Variants in B3GALT1 observed in about 807,000 individuals in gnomAD.
B3GALT1 encodes UDP-Gal:betaGlcNAc beta 1,3-galactosyltransferase, polypeptide 1.
In B3GALT1, 10 loss-of-function variants were observed where a neutral mutation model predicts 23.2. That is an observed-to-expected ratio of 0.43 (90% CI 0.27 to 0.73). The LOEUF (loss-of-function observed/expected upper bound fraction) is 0.73, where lower values mean the gene tolerates loss of function less well. Among genes scored for constraint, B3GALT1 ranks in the 30% least tolerant of loss-of-function variants. The pLI is 0.21. For synonymous variants in B3GALT1, 156 were observed against 141.5 expected, an observed-to-expected ratio of 1.10 and a Z score of -0.73; for missense variants, 299 against 405.4, an observed-to-expected ratio of 0.74 and a Z score of 2.25.
intron 1 of B3GALT1, among the ~76,000 whole-genome samples, chr2:167,466,185 C>T (rs79724763): frequency 0.11 from 17,238 of 152,082 alleles, 1,148 homozygotes; most frequent in African/African-American, 0.19. Context: ...TCCTGGGAGC[C>T]ATTTTTGTTT....
chr2:167,492,587 C>T (rs998263167), intron 2 of B3GALT1, among the ~76,000 whole-genome samples: 3 of 152,110 alleles, frequency 2.0e-5, no homozygotes, highest in Non-Finnish European at 1.5e-5. Context: ...ATTTTGCATT[C>T]CCACCAGCAC....
chr2:167,813,718 C>T (rs1023207706), intron 3 of B3GALT1, among the ~76,000 whole-genome samples: 6 of 152,174 alleles, frequency 3.9e-5, no homozygotes, highest in Non-Finnish European at 7.4e-5. Context: ...AACTCTGATA[C>T]ATGTGCAGCT....
At chr2:167,806,531 C>A (rs190339647) in intron 3 of B3GALT1, among the ~76,000 whole-genome samples, 2 of 152,092 alleles carry the variant, frequency 1.3e-5, no homozygotes, top group Non-Finnish European at 2.9e-5. Flanking sequence ...GCATGAAGGG[C>A]TGTTGAATTT....
chr2:167,485,975 C>T (rs559146902), intron 1 of B3GALT1, among the ~76,000 whole-genome samples: 1 of 152,224 alleles, frequency 6.6e-6, no homozygotes, highest in Admixed American at 6.5e-5. Context: ...AAGCCATGGC[C>T]ATGAAAAACC....
intron 1 of B3GALT1, among the ~76,000 whole-genome samples, chr2:167,296,754 G>C (rs528907291): frequency 2.6e-4 from 39 of 152,108 alleles, no homozygotes; most frequent in Non-Finnish European, 5.0e-4. Flanking sequence ...ATACACTATT[G>C]TATGAATTCA....
chr2:167,525,978 C>T (rs1683212790), intron 2 of B3GALT1, among the ~76,000 whole-genome samples: 3 of 151,980 alleles, frequency 2.0e-5, no homozygotes, highest in African/African-American at 7.2e-5. Context: ...ACATTTTGTT[C>T]CTTGAGCACT....
intron 2 of B3GALT1, among the ~76,000 whole-genome samples, chr2:167,604,482 A>G (rs1366439050): frequency 1.3e-5 from 2 of 152,244 alleles, no homozygotes; most frequent in Non-Finnish European, 2.9e-5. Context: ...GTAGATTACT[A>G]TAATTTTCAT....
chr2:167,405,040 T>G (rs766278220), intron 1 of B3GALT1, among the ~76,000 whole-genome samples: 3 of 152,190 alleles, frequency 2.0e-5, no homozygotes, highest in Non-Finnish European at 2.9e-5. Flanking sequence ...GATTGTACAT[T>G]TGTTTTCGCT....
intron 2 of B3GALT1, among the ~76,000 whole-genome samples, chr2:167,576,569 A>G (rs1287303243): frequency 6.8e-6 from 1 of 147,814 alleles, no homozygotes; most frequent in Non-Finnish European, 1.5e-5. Flanking sequence ...TCACTGAGTA[A>G]CATTTGATAC....
chr2:167,823,073 A>G (rs570926007), intron 4 of B3GALT1, among the ~76,000 whole-genome samples: 1 of 152,244 alleles, frequency 6.6e-6, no homozygotes, highest in East Asian at 1.9e-4. Flanking sequence ...TGCCTCCTCT[A>G]TGCTTTTTGC....
chr2:167,610,929 AG>A (rs1263352073), intron 2 of B3GALT1, among the ~76,000 whole-genome samples: 63 of 145,264 alleles, frequency 4.3e-4, no homozygotes, highest in Admixed American at 9.0e-4. Context: ...AAAAAAAAAG[AG>A]AGAGAGAGAG....
intron 2 of B3GALT1, among the ~76,000 whole-genome samples, chr2:167,550,457 A>T (rs1683726086): frequency 1.3e-5 from 2 of 152,232 alleles, no homozygotes; most frequent in Non-Finnish European, 1.5e-5. Context: ...TCAAACCCCA[A>T]GCCCAAATCC....
intron 1 of B3GALT1, among the ~76,000 whole-genome samples, chr2:167,421,470 C>T (rs1278030133): frequency 6.6e-6 from 1 of 152,150 alleles, no homozygotes; most frequent in African/African-American, 2.4e-5. Flanking sequence ...TTCTGTTGAA[C>T]TTAATGTAGT....
At chr2:167,809,921 G>C (rs1688845045) in intron 3 of B3GALT1, among the ~76,000 whole-genome samples, 1 of 152,206 alleles carries the variant, frequency 6.6e-6, no homozygotes, top group Non-Finnish European at 1.5e-5. Flanking sequence ...TTGAGCTGTG[G>C]TGGGCTCCAC....
intron 3 of B3GALT1, among the ~76,000 whole-genome samples, chr2:167,812,923 A>G (rs1286436707): frequency 2.0e-5 from 3 of 151,900 alleles, no homozygotes; most frequent in Admixed American, 6.6e-5. Context: ...CATTCAAGAG[A>G]AAAATGCATT....
At position 167,769,402 on chromosome 2, in the gene B3GALT1, T is replaced by C. The variant is rs974006415; in HGVS notation, c.-351-49270T>C. On this transcript the variant is annotated intron_variant, in intron 3 of 4. Transcript: ENST00000392690. ...TTCTTTTTTCGGTACTTTGAATTTT[T>C]ATTTTCATCTTTTTGAAGTATATGT... Among the ~76,000 whole-genome samples the C allele has an allele frequency of 3.3e-5, 5 of 152,254 alleles. No individual in the cohort carries two copies. The East Asian group carries it at 5.8e-4, about 18-fold the overall frequency.
At chr2:167,814,111 A>G (rs1184353819) in intron 3 of B3GALT1, among the ~76,000 whole-genome samples, 3 of 152,232 alleles carry the variant, frequency 2.0e-5, no homozygotes, top group Non-Finnish European at 2.9e-5. Flanking sequence ...TTTAAACAAA[A>G]TCATTTCAGT....
intron 3 of B3GALT1, among the ~76,000 whole-genome samples, chr2:167,684,843 A>C (rs891631535): frequency 1.3e-5 from 2 of 152,244 alleles, no homozygotes; most frequent in Non-Finnish European, 2.9e-5. Context: ...GTGATGCCAC[A>C]TGTTGAAGGA....
chr2:167,479,301 G>A (rs1699530197), intron 1 of B3GALT1, among the ~76,000 whole-genome samples: 3 of 152,074 alleles, frequency 2.0e-5, no homozygotes, highest in Admixed American at 2.0e-4. Flanking sequence ...TTATCTAGAT[G>A]TGTATTGGCA....
Sources: gnomAD v4.1 joint callset for allele counts (sites outside exome capture counted in the v4.1 genomes callset) on GRCh38, gnomAD v4.1.1 for gene constraint, MANE v1.5 for transcripts, NCBI Gene and HGNC (gene_info 2026-07-23, HGNC 2026-07-21) for gene names.